Variants in CD226 observed in about 807,000 individuals in gnomAD.
CD226 encodes the protein CD226 molecule, also known as CD226 antigen.
A neutral mutation model predicts 34.9 loss-of-function variants in CD226; 24 were observed. That is an observed-to-expected ratio of 0.69 (90% CI 0.50 to 0.97). The LOEUF (loss-of-function observed/expected upper bound fraction) is 0.97. CD226 is among the 50% of genes least tolerant of loss of function. CD226 has a pLI of 0.00. For missense variants in CD226, 397 were observed against 412.7 expected (o/e 0.96, Z 0.33); for synonymous variants, 148 against 147.4 (o/e 1.00, Z -0.03).
upstream of CD226, among the ~76,000 whole-genome samples, chr18:69,949,993 T>A (rs553382963): frequency 6.8e-6 from 1 of 146,680 alleles, no homozygotes; most frequent in East Asian, 2.0e-4. Context: ...CATTCACACT[T>A]TGTTTCTCAC....
At chr18:69,960,380 T>G (rs1158281556), upstream of CD226, among the ~76,000 whole-genome samples, 1 of 151,936 alleles carries the variant, frequency 6.6e-6, no homozygotes, top group Non-Finnish European at 1.5e-5. Flanking sequence ...AACAAACATC[T>G]CAGTTTCCTC....
At chr18:69,867,326 A>G (rs1983207213) in intron 5 of CD226, 31 bp downstream of exon 5, 6 of 1,491,648 alleles carry the variant, frequency 4.0e-6, no homozygotes, top group Non-Finnish European at 5.6e-6. Flanking sequence ...AAATTACAAA[A>G]GAAAAAAATG....
chr18:69,885,075 G>A (rs1984479886), intron 3 of CD226, among the ~76,000 whole-genome samples: 1 of 152,072 alleles, frequency 6.6e-6, no homozygotes, highest in African/African-American at 2.4e-5. Flanking sequence ...GTTTAATCAG[G>A]TATAACTCTA....
chr18:69,950,295 C>T (rs554049140), upstream of CD226, among the ~76,000 whole-genome samples: 5 of 152,288 alleles, frequency 3.3e-5, no homozygotes, highest in Non-Finnish European at 5.9e-5. Flanking sequence ...CTGCATCTGG[C>T]GTGATCTCAA....
intron 3 of CD226, among the ~76,000 whole-genome samples, chr18:69,876,835 G>C (rs542660791): frequency 3.4e-5 from 5 of 144,946 alleles, no homozygotes; most frequent in Non-Finnish European, 6.0e-5. Flanking sequence ...GACACCAATT[G>C]CAAGTCCAGG....
chr18:69,957,760 T>C (rs543372674), upstream of CD226, among the ~76,000 whole-genome samples: 6 of 152,208 alleles, frequency 3.9e-5, no homozygotes, highest in Admixed American at 3.9e-4. Flanking sequence ...AAGACACAAG[T>C]GTTTACTAAG....
At chr18:69,904,168 A>G (rs953099962) in intron 2 of CD226, among the ~76,000 whole-genome samples, 4 of 152,192 alleles carry the variant, frequency 2.6e-5, no homozygotes, top group Admixed American at 2.0e-4. Flanking sequence ...ACACAACCCG[A>G]CAAAGCCATC....
At chr18:69,915,917 T>C (rs1349980312) in intron 2 of CD226, among the ~76,000 whole-genome samples, 2 of 152,170 alleles carry the variant, frequency 1.3e-5, no homozygotes, top group Admixed American at 1.3e-4. Flanking sequence ...CAGAATCAAA[T>C]CACAGGATGT....
In CD226 at chr18:69,855,384, A is replaced by C. The variant is rs1264971472; in HGVS notation, c.*8930T>G. Reference sequence around the variant, plus strand: ...TAGAAAGGAAGGATATCTTTGATGCAATTATCAGTTGACTTGGAACCCCGA... The same window carrying C: ...TAGAAAGGAAGGATATCTTTGATGCCATTATCAGTTGACTTGGAACCCCGA... On this transcript the variant is annotated 3_prime_UTR_variant, in exon 6 of 6. Coordinates refer to ENST00000582621, the MANE Select transcript of CD226 (RefSeq NM_001303618.2). 6.6e-6 allele frequency: 1 copy of C among 152,228 alleles called. No individual in the cohort carries two copies. The highest frequency in any genetic ancestry group is 1.9e-4 in the East Asian group (1 of 5,196). The allele number at this position is 152,228 out of a possible 1,614,324, so 9.4% of individuals were successfully genotyped here.
intron 2 of CD226, among the ~76,000 whole-genome samples, chr18:69,924,799 A>G (rs2055501572): frequency 6.6e-6 from 1 of 152,046 alleles, no homozygotes. Context: ...TATCTCACAT[A>G]GCACTCCAAA....
intron 3 of CD226, 80 bp from the exon 4 acceptor site, chr18:69,873,326 G>T: frequency 2.8e-6 from 2 of 702,178 alleles, no homozygotes; most frequent in Non-Finnish European, 5.0e-6. Flanking sequence ...ATAAAGAAAA[G>T]ATACATTAAT....
chr18:69,857,826 T>A lies in CD226; in HGVS notation c.*6488A>T, dbSNP rs1279400635. ...CTTCCTGTAATAATATTGGTTTCTA[T>A]AGGTCAAATGATACACAGTATAATT... is the stretch of plus-strand genomic sequence containing the variant. On this transcript the variant is annotated 3_prime_UTR_variant, in exon 6 of 6. Transcript: ENST00000582621. 1 of 152,198 alleles carries A rather than the reference T, an allele frequency of 6.6e-6. No individual in the cohort carries two copies. 9.4% of individuals were successfully genotyped at this position (152,198 alleles called of 1,614,324 possible).
intron 4 of CD226, among the ~76,000 whole-genome samples, chr18:69,869,462 A>G (rs1157999449): frequency 2.0e-5 from 3 of 152,176 alleles, no homozygotes; most frequent in African/African-American, 7.2e-5. Flanking sequence ...ATGAGAACAC[A>G]TGGACACATA....
chr18:69,913,014 C>T (rs1301084142), intron 2 of CD226, among the ~76,000 whole-genome samples: 6 of 152,148 alleles, frequency 3.9e-5, no homozygotes, highest in Non-Finnish European at 7.3e-5. Flanking sequence ...GAATAAGGTA[C>T]TCCCAGATCT....
chr18:69,866,159 G>A (rs369179158), intron 5 of CD226, among the ~76,000 whole-genome samples: 3 of 152,164 alleles, frequency 2.0e-5, no homozygotes, highest in East Asian at 1.9e-4. Flanking sequence ...TCCCATTCAC[G>A]AAGACGCCAC....
In CD226 at chr18:69,917,347, T is replaced by A. The variant is rs529293003; in HGVS notation, c.383-21302A>T. The stretch of plus-strand genomic sequence containing the variant: ...AGATCCTCCAACTCACCACATACAC[T>A]CCATCTCACGTCTGAACTCTGGACC... On this transcript the variant is annotated intron_variant, in intron 2 of 5. Coordinates refer to ENST00000582621, the MANE Select transcript of CD226 (RefSeq NM_001303618.2). 6.6e-5 allele frequency among the ~76,000 whole-genome samples: 10 copies of A among 152,072 alleles called. No individual in the cohort carries two copies. The South Asian group carries it at 1.7e-3, about 25-fold the overall frequency.
chr18:69,885,904 T>C (rs1397275928), intron 3 of CD226, among the ~76,000 whole-genome samples: 1 of 152,044 alleles, frequency 6.6e-6, no homozygotes, highest in Non-Finnish European at 1.5e-5. Context: ...TGAAATAAAG[T>C]AGCGGGAGAC....
At chr18:69,891,196 T>A (rs1984883705) in intron 3 of CD226, among the ~76,000 whole-genome samples, 1 of 151,768 alleles carries the variant, frequency 6.6e-6, no homozygotes, top group South Asian at 2.1e-4. Context: ...ATCAATGTAA[T>A]ACACCACATT....
At chr18:69,864,547 T>G in intron 5 of CD226, 108 bp from the exon 6 acceptor site, 1 of 1,059,582 alleles carries the variant, frequency 9.4e-7, no homozygotes. Context: ...TGGGACAAGT[T>G]TCCATTATAA....
Sources: allele counts gnomAD v4.1 joint callset (sites outside exome capture counted in the v4.1 genomes callset), GRCh38; gene constraint gnomAD v4.1.1; transcripts MANE v1.5; gene names NCBI Gene and HGNC (gene_info 2026-07-23, HGNC 2026-07-21).